PEMT: variants seen among roughly 807,000 people sequenced by gnomAD.
PEMT encodes phospholipid methyltransferase.
In PEMT, 23 loss-of-function variants were observed where a neutral mutation model predicts 27.4. That is an observed-to-expected ratio of 0.84 (90% CI 0.60 to 1.19). PEMT has a LOEUF of 1.19. Among genes scored for constraint, PEMT ranks in the 50% most tolerant of loss-of-function variants. The pLI is 0.00. For missense variants in PEMT, 307 were observed against 310.1 expected (o/e 0.99, Z 0.07); for synonymous variants, 137 against 139.1 (o/e 0.98, Z 0.11).
At chr17:17,584,545 G>A (rs938463874) in intron 1 of PEMT, among the ~76,000 whole-genome samples, 1 of 152,084 alleles carries the variant, frequency 6.6e-6, no homozygotes, top group African/African-American at 2.4e-5. Context: ...GGGCTCAAGT[G>A]AGTCTCCCAC....
chr17:17,587,870 C>A (rs72828501), intron 1 of PEMT, among the ~76,000 whole-genome samples: 8 of 152,014 alleles, frequency 5.3e-5, no homozygotes, highest in South Asian at 2.1e-4. Context: ...AGCAACAGAG[C>A]GAGACTCTGT....
At chr17:17,591,945 C>G (rs929204797), upstream of PEMT, 6 of 985,328 alleles carry the variant, frequency 6.1e-6, no homozygotes, top group African/African-American at 3.5e-5. Context: ...CGCCGGCTGC[C>G]GCACCCGAGC....
At chr17:17,577,308 G>A (rs1911667592) in intron 1 of PEMT, 2 of 479,474 alleles carry the variant, frequency 4.2e-6, no homozygotes, top group Middle Eastern at 1.4e-3. Context: ...CTGAAGGGAG[G>A]TGACACCAAC....
intron 2 of PEMT, among the ~76,000 whole-genome samples, chr17:17,546,658 C>CCGACCCTGGGGAGCCTCCCTGT (rs1160238411): frequency 5.3e-5 from 8 of 152,228 alleles, no homozygotes; most frequent in Non-Finnish European, 1.2e-4. Context: ...CTGCCTTCGT[C>CCGACCCTGGGGAGCCTCCCTGT]CGACCCTGGG....
intron 3 of PEMT, among the ~76,000 whole-genome samples, chr17:17,518,847 A>G (rs1907052071): frequency 6.6e-6 from 1 of 152,118 alleles, no homozygotes; most frequent in Non-Finnish European, 1.5e-5. Context: ...GCTGCCAGGG[A>G]CTGGGGGGCG....
chr17:17,507,646 C>A, intron 5 of PEMT: 1 of 165,880 alleles, frequency 6.0e-6, no homozygotes, highest in African/African-American at 2.4e-5. Context: ...GCCAGGCCAC[C>A]ACCTCTGCCA....
At chr17:17,564,957 T>C (rs996847527) in intron 2 of PEMT, among the ~76,000 whole-genome samples, 2 of 152,006 alleles carry the variant, frequency 1.3e-5, no homozygotes, top group African/African-American at 4.8e-5. Context: ...GGGACAAATG[T>C]CTTCCTAGGA....
chr17:17,559,422 C>T (rs536291165), intron 2 of PEMT, among the ~76,000 whole-genome samples: 131 of 152,330 alleles, frequency 8.6e-4, no homozygotes, highest in African/African-American at 3.0e-3. Context: ...CTGTTTAAAG[C>T]GGGTGCCTGC....
At chr17:17,507,139 A>C (rs1458896525) in intron 5 of PEMT, 1 of 1,554,674 alleles carries the variant, frequency 6.4e-7, no homozygotes, top group Admixed American at 1.9e-5. Flanking sequence ...GCTGCCGTCA[A>C]GCTGTCCCCC....
Position 17,512,793 on chromosome 17 carries a change from G to T in PEMT, c.321-139C>A. ...AGCCCAGGGCTGCCAGGCCAGGCAG[G>T]CAGCAGGTGGGGTCCAGTCCACCTG... On this transcript the variant is annotated intron_variant, in intron 3 of 6. Transcript: ENST00000255389. This position sits in a 1 kb window ranked among gnomAD's most constrained non-coding sequence, Gnocchi z 6.3. 1 of 715,256 alleles carries T rather than the reference G, an allele frequency of 1.4e-6. No homozygotes were observed. Among genetic ancestry groups the T allele is most frequent in the Non-Finnish European group, 2.0e-6 (1 of 501,336 alleles). The allele number at this position is 715,256 out of a possible 1,614,324, so 44.3% of individuals were successfully genotyped here.
rs538299995 is a variant in PEMT at position 17,507,546 on chromosome 17, G to T, written c.579-1245C>A. On this transcript the variant is annotated intron_variant, in intron 5 of 6. Coordinates refer to ENST00000255389, the MANE Select transcript of PEMT (RefSeq NM_148172.3). ...AGCCCAGGCTCCAACCCCAGGCCTG[G>T]CAACCAGCAGCGACCCCACTGTGGG... is the stretch of plus-strand genomic sequence containing the variant. 1.9e-3 allele frequency: 569 copies of T among 298,658 alleles called. 1 individual carries two copies. Among genetic ancestry groups the T allele is most frequent in the Non-Finnish European group, 3.1e-3 (498 of 158,586 alleles). The allele number at this position is 298,658 out of a possible 1,614,324, so 18.5% of individuals were successfully genotyped here. A position where few individuals can be genotyped will look rare whatever the true frequency, so the allele number is the denominator to read the frequency against.
chr17:17,530,900 G>T (rs9889795), intron 2 of PEMT, among the ~76,000 whole-genome samples: 20,104 of 151,904 alleles, frequency 0.13, 2,385 homozygotes, highest in African/African-American at 0.32. Flanking sequence ...AAAATTGGCC[G>T]GGCGTAACGG....
chr17:17,545,989 T>C (rs1343751267), intron 2 of PEMT, among the ~76,000 whole-genome samples: 1 of 152,214 alleles, frequency 6.6e-6, no homozygotes, highest in Non-Finnish European at 1.5e-5. Context: ...ACGACTGACC[T>C]TCCATCTTCT....
At chr17:17,518,649 C>T (rs896338805) in intron 3 of PEMT, among the ~76,000 whole-genome samples, 5 of 152,228 alleles carry the variant, frequency 3.3e-5, no homozygotes, top group Admixed American at 6.5e-5. Context: ...TCTCGGACAT[C>T]CCATCCATGA....
At position 17,509,540 on chromosome 17, in the gene PEMT, A is replaced by C; in HGVS notation, c.472T>G (p.Tyr158Asp). The stretch of plus-strand genomic sequence containing the variant: ...CTCGCCTCCTTGAGGATCCCGAAGT[A>C]ATCACCTGTGGATGAGGCAAGGCAG... ...LGFAGTFLGD[Y>D]FGILKEARVT... Residue 158 changes from tyrosine to aspartate, a missense_variant, in exon 5 of 7, where the codon TAC becomes GAC. Transcript: ENST00000255389. 3.1e-6 allele frequency: 5 copies of C among 1,609,968 alleles called. No individual in the cohort carries two copies. Among genetic ancestry groups the C allele is most frequent in the Non-Finnish European group, 4.3e-6 (5 of 1,176,244 alleles).
Position 17,512,441 on chromosome 17 carries a change from C to A in PEMT, c.466+68G>T. ...GTCACGGATAGCAGGGCAGCAGCCA[C>A]CTGGCCCTGCACCTCCCTGGGGCTC... On this transcript the variant is annotated intron_variant, in intron 4 of 6. Coordinates refer to ENST00000255389, the MANE Select transcript of PEMT (RefSeq NM_148172.3). This position sits in a 1 kb window ranked among gnomAD's most constrained non-coding sequence, Gnocchi z 6.3. 1 of 1,368,312 alleles carries A rather than the reference C, an allele frequency of 7.3e-7. No individual in the cohort carries two copies. The highest frequency in any genetic ancestry group is 9.6e-7 in the Non-Finnish European group (1 of 1,038,668). 84.8% of individuals were successfully genotyped at this position (1,368,312 alleles called of 1,614,324 possible).
chr17:17,580,354 A>G (rs966573907), intron 1 of PEMT, among the ~76,000 whole-genome samples: 1 of 152,074 alleles, frequency 6.6e-6, no homozygotes, highest in Admixed American at 6.5e-5. Context: ...GCGCACGCCT[A>G]TAGGCCCAGC....
In PEMT at chr17:17,561,684, G is replaced by A. The variant is rs1043708697; in HGVS notation, c.204+15236C>T. Among the ~76,000 whole-genome samples, 1 of 152,182 alleles carries A rather than the reference G, an allele frequency of 6.6e-6. No individual in the cohort carries two copies. Among genetic ancestry groups the A allele is most frequent in the African/African-American group, 2.4e-5 (1 of 41,438 alleles). On this transcript the variant is annotated intron_variant, in intron 2 of 6. Transcript: ENST00000255389. The surrounding 1 kb of genome is among the most constrained non-coding windows in gnomAD (Gnocchi z 4.5). ...GAAGCCAGGAACCTTGCCCAGGTCCGTCTTGCTATCAAAGGCAGGACAGAC... is the reference window on the plus strand; with the variant it reads ...GAAGCCAGGAACCTTGCCCAGGTCCATCTTGCTATCAAAGGCAGGACAGAC...
intron 2 of PEMT, among the ~76,000 whole-genome samples, chr17:17,536,163 G>C (rs1251091853): frequency 6.6e-6 from 1 of 152,248 alleles, no homozygotes; most frequent in African/African-American, 2.4e-5. Context: ...CTGCACACCA[G>C]GCGCTGGGGT....
Sources: gnomAD v4.1 joint callset for allele counts (sites outside exome capture counted in the v4.1 genomes callset) on GRCh38, gnomAD v4.1.1 for gene constraint, Gnocchi (gnomAD v3.1) non-coding constraint, MANE v1.5 for transcripts, NCBI Gene and HGNC (gene_info 2026-07-23, HGNC 2026-07-21) for gene names.